NXPE2: variants seen among roughly 807,000 people sequenced by gnomAD.
The protein encoded by NXPE2 is NXPE family member 2.
In NXPE2, 34 loss-of-function variants were observed where a neutral mutation model predicts 34.4. The observed-to-expected ratio is 0.99, with a 90% CI of 0.75 to 1.31. The LOEUF (loss-of-function observed/expected upper bound fraction) is 1.31, where lower values mean the gene tolerates loss of function less well. Among genes scored for constraint, NXPE2 ranks in the 40% most tolerant of loss-of-function variants. The pLI is 0.00. For synonymous variants in NXPE2, 235 were observed against 231.3 expected (o/e 1.02, Z -0.15); for missense variants, 649 against 672.5 (o/e 0.97, Z 0.39).
chr11:114,670,996 A>G, the NXPE2 span, among the ~76,000 whole-genome samples: 9 of 150,050 alleles, frequency 6.0e-5, no homozygotes, highest in African/African-American at 2.2e-4. Flanking sequence ...GGAAATTATT[A>G]TGGCAATACC....
At chr11:114,488,818 C>T in the NXPE2 span, among the ~76,000 whole-genome samples, 2 of 152,068 alleles carry the variant, frequency 1.3e-5, no homozygotes, top group Non-Finnish European at 2.9e-5. Flanking sequence ...CAAGAGCAAA[C>T]ACATTCAAAA....
At chr11:114,532,238 C>T in the NXPE2 span, among the ~76,000 whole-genome samples, 1 of 152,152 alleles carries the variant, frequency 6.6e-6, no homozygotes, top group African/African-American at 2.4e-5. Flanking sequence ...AAAAGATGAA[C>T]AGAACCCACA....
chr11:114,781,685 G>A, the NXPE2 span, among the ~76,000 whole-genome samples: 1 of 152,140 alleles, frequency 6.6e-6, no homozygotes, highest in Admixed American at 6.5e-5. Flanking sequence ...AGTCTAGGGG[G>A]GCCATGAATT....
At chr11:114,675,033 C>G (rs918593565), upstream of NXPE2, among the ~76,000 whole-genome samples, 1 of 151,564 alleles carries the variant, frequency 6.6e-6, no homozygotes, top group Admixed American at 6.6e-5. Flanking sequence ...ATCATATTAA[C>G]AGAATGCAGG....
the NXPE2 span, among the ~76,000 whole-genome samples, chr11:114,763,832 C>T: frequency 2.0e-5 from 3 of 152,154 alleles, no homozygotes; most frequent in Non-Finnish European, 4.4e-5. Context: ...GGTAATTAAA[C>T]ATTTTTGGTA....
chr11:114,514,751 C>T, the NXPE2 span, among the ~76,000 whole-genome samples: 1 of 152,064 alleles, frequency 6.6e-6, no homozygotes, highest in African/African-American at 2.4e-5. Context: ...TTCATCTTTT[C>T]TTTATTCAGC....
intron 2 of NXPE2, among the ~76,000 whole-genome samples, chr11:114,696,340 C>CAAAAAAAAAAAAAAAAAAAAA (rs773266644): frequency 1.5e-5 from 1 of 64,604 alleles, no homozygotes; most frequent in Admixed American, 1.9e-4. Context: ...TCAAAAAAAC[C>CAAAAAAAAAAAAAAAAAAAAA]AAAAAAAAAA....
the NXPE2 span, among the ~76,000 whole-genome samples, chr11:114,767,487 C>T: frequency 4.6e-5 from 7 of 152,280 alleles, no homozygotes; most frequent in East Asian, 3.9e-4. Context: ...AGTTTCCATT[C>T]GCCAAATAAT....
the NXPE2 span, among the ~76,000 whole-genome samples, chr11:114,470,223 G>T: frequency 6.6e-6 from 1 of 152,126 alleles, no homozygotes; most frequent in Non-Finnish European, 1.5e-5. Context: ...GAATGGAATG[G>T]CTGGGTTATA....
chr11:114,762,868 C>T, the NXPE2 span, among the ~76,000 whole-genome samples: 7 of 152,146 alleles, frequency 4.6e-5, no homozygotes, highest in African/African-American at 1.7e-4. Flanking sequence ...CCCTTCCCCT[C>T]CATTCTCACA....
At chr11:114,642,705 A>C in the NXPE2 span, among the ~76,000 whole-genome samples, 1 of 152,064 alleles carries the variant, frequency 6.6e-6, no homozygotes, top group African/African-American at 2.4e-5. Flanking sequence ...GCTATTGTGA[A>C]TAGTACTGCA....
chr11:114,632,415 A>G, the NXPE2 span, among the ~76,000 whole-genome samples: 1,050 of 132,154 alleles, frequency 7.9e-3, 16 homozygotes, highest in African/African-American at 0.027. Context: ...ATATAATTTT[A>G]TATAATATAA....
At chr11:114,634,527 A>C in the NXPE2 span, among the ~76,000 whole-genome samples, 2 of 152,000 alleles carry the variant, frequency 1.3e-5, no homozygotes, top group African/African-American at 4.8e-5. Flanking sequence ...TTTAGACATG[A>C]AGTCCTTGCC....
chr11:114,626,579 G>C, the NXPE2 span, among the ~76,000 whole-genome samples: 1 of 152,144 alleles, frequency 6.6e-6, no homozygotes, highest in African/African-American at 2.4e-5. Flanking sequence ...GGAAAAAACA[G>C]AGCAGAAAAA....
At chr11:114,712,428 AAAC>A in the NXPE2 span, among the ~76,000 whole-genome samples, 1 of 151,748 alleles carries the variant, frequency 6.6e-6, no homozygotes, top group Admixed American at 6.6e-5. Flanking sequence ...ATATGTAAAA[AAAC>A]AAATAGATTT....
At chr11:114,756,527 T>A in the NXPE2 span, among the ~76,000 whole-genome samples, 1 of 152,180 alleles carries the variant, frequency 6.6e-6, no homozygotes, top group Non-Finnish European at 1.5e-5. Context: ...TCCTTAAGCA[T>A]AGGTATAATT....
chr11:114,498,462 A>C, the NXPE2 span, among the ~76,000 whole-genome samples: 1 of 151,872 alleles, frequency 6.6e-6, no homozygotes, highest in Non-Finnish European at 1.5e-5. Context: ...TAATTAATAA[A>C]AAACCATCAA....
At chr11:114,607,154 T>C in the NXPE2 span, among the ~76,000 whole-genome samples, 1 of 151,870 alleles carries the variant, frequency 6.6e-6, no homozygotes, top group African/African-American at 2.4e-5. Flanking sequence ...TAACCAGTAT[T>C]ACCCACTGGA....
At chr11:114,534,696 C>T in the NXPE2 span, among the ~76,000 whole-genome samples, 1,584 of 151,116 alleles carry the variant, frequency 0.01, 32 homozygotes, top group African/African-American at 0.036. Flanking sequence ...TGATGGAAGA[C>T]GAAATGAATG....
Sources: gnomAD v4.1 joint callset for allele counts (sites outside exome capture counted in the v4.1 genomes callset) on GRCh38, gnomAD v4.1.1 for gene constraint, MANE v1.5 for transcripts, NCBI Gene and HGNC (gene_info 2026-07-23, HGNC 2026-07-21) for gene names.